PCDHGA11: variants seen among roughly 807,000 people sequenced by gnomAD.
PCDHGA11 encodes the protein protocadherin gamma-A11.
A neutral mutation model predicts 60.4 loss-of-function variants in PCDHGA11; 39 were observed. The observed-to-expected ratio is 0.65, with a 90% CI of 0.50 to 0.84. The LOEUF (loss-of-function observed/expected upper bound fraction) is 0.84. Among genes scored for constraint, PCDHGA11 ranks in the 40% least tolerant of loss-of-function variants. PCDHGA11 has a pLI of 0.00. For synonymous variants in PCDHGA11, 533 were observed against 510.3 expected (o/e 1.04, Z -0.60); for missense variants, 1,165 against 1,197.7 (o/e 0.97, Z 0.40).
Position 141,477,365 on chromosome 5 carries a change from C to T in PCDHGA11, c.2434-17442C>T, listed in dbSNP as rs754438240. On this transcript the variant is annotated intron_variant, in intron 1 of 3. Transcript: ENST00000398587. The surrounding 1 kb of genome is among the most constrained non-coding windows in gnomAD (Gnocchi z 4.9). ...TTTGAAAACCAGTGCAGACCTGGAT[C>T]GGGAGACTGTGCCAGAATACAACCT... The T allele has an allele frequency of 6.2e-7, 1 of 1,614,156 alleles. No homozygotes were observed. The highest frequency in any genetic ancestry group is 1.7e-5 in the Admixed American group (1 of 60,022).
intron 2 of PCDHGA11, among the ~76,000 whole-genome samples, chr5:141,496,391 A>G (rs1473991011): frequency 1.3e-5 from 2 of 151,930 alleles, no homozygotes; most frequent in Admixed American, 6.6e-5. Flanking sequence ...ACCTTACCCT[A>G]CCTCCTCAAT....
chr5:141,426,882 C>T, intron 1 of PCDHGA11: 1 of 456,664 alleles, frequency 2.2e-6, no homozygotes, highest in South Asian at 1.5e-5. Flanking sequence ...GCCCCTGGGC[C>T]AGGAGCAACA....
intron 1 of PCDHGA11, among the ~76,000 whole-genome samples, chr5:141,447,787 T>C (rs1025269338): frequency 1.3e-5 from 2 of 152,106 alleles, no homozygotes; most frequent in Non-Finnish European, 2.9e-5. Context: ...TGAAAATAAA[T>C]TTAAGAAAAT....
At chr5:141,494,524 C>T (rs2099754936) in intron 1 of PCDHGA11, among the ~76,000 whole-genome samples, 1 of 152,156 alleles carries the variant, frequency 6.6e-6, no homozygotes, top group African/African-American at 2.4e-5. Flanking sequence ...GGAGTTCTGA[C>T]TCTGGGGGCA....
At chr5:141,478,665 A>G (rs749063178) in intron 1 of PCDHGA11, 88 of 1,551,690 alleles carry the variant, frequency 5.7e-5, no homozygotes, top group Non-Finnish European at 3.7e-5. Flanking sequence ...ATGCATTCAC[A>G]CTTTCAACTG....
Position 141,421,842 on chromosome 5 carries a change from A to G in PCDHGA11, c.615A>G (p.Lys205=), listed in dbSNP as rs1209505923. 6.2e-7 allele frequency: 1 copy of G among 1,613,744 alleles called. No homozygotes were observed. The highest frequency in any genetic ancestry group is 8.5e-7 in the Non-Finnish European group (1 of 1,179,874). Residue 205 remains lysine, a synonymous_variant, in exon 1 of 4, where the codon AAA becomes AAG. Coordinates refer to ENST00000398587, the MANE Select transcript of PCDHGA11 (RefSeq NM_018914.3). Reference sequence around the variant, plus strand: ...TGGAGGGAAGCCTGGACCGAGAGAAAGAGGCTGCTCACCTGCTCCTCCTCA... The same window carrying G: ...TGGAGGGAAGCCTGGACCGAGAGAAGGAGGCTGCTCACCTGCTCCTCCTCA... ...LVLEGSLDRE[K]EAAHLLLLTA...
chr5:141,494,316 G>T (rs2099753509), intron 1 of PCDHGA11, among the ~76,000 whole-genome samples: 1 of 152,172 alleles, frequency 6.6e-6, no homozygotes, highest in Admixed American at 6.5e-5. Flanking sequence ...TGCACAACCT[G>T]GCACCAAAAG....
At position 141,432,379 on chromosome 5, in the gene PCDHGA11, G is replaced by A; in HGVS notation, c.2433+8719G>A. On this transcript the variant is annotated intron_variant, in intron 1 of 3. Transcript: ENST00000398587. The surrounding 1 kb of genome is among the most constrained non-coding windows in gnomAD (Gnocchi z 6.0). ...TGATGGCGCGGGACAACGGGCACCC[G>A]CCCCTCAGCAGCAACGTGTCGTTGA... 1.2e-6 allele frequency: 2 copies of A among 1,614,208 alleles called. No homozygotes were observed. The highest frequency in any genetic ancestry group is 1.7e-6 in the Non-Finnish European group (2 of 1,180,038).
Position 141,423,552 on chromosome 5 carries a change from C to A in PCDHGA11, c.2325C>A (p.Asn775Lys). 2 of 1,613,720 alleles carry A rather than the reference C, an allele frequency of 1.2e-6. No individual in the cohort carries two copies. Among genetic ancestry groups the A allele is most frequent in the Non-Finnish European group, 1.7e-6 (2 of 1,179,744 alleles). ...GTCACCTGATTTTCCCCCAGCCCAACTATGGGGACACGCTCATCAGCCAGG... is the reference window on the plus strand; with the variant it reads ...GTCACCTGATTTTCCCCCAGCCCAAATATGGGGACACGCTCATCAGCCAGG... ...QKSHLIFPQPNYGDTLISQES... is the reference protein window; with the variant it reads ...QKSHLIFPQPKYGDTLISQES... The change falls in exon 1 of 4, where the codon AAC becomes AAA. Residue 775 changes from asparagine (N) to lysine (K), a missense_variant. Asn to Lys is a moderately conservative substitution (Grantham distance 94). Transcript: ENST00000398587.
intron 2 of PCDHGA11, among the ~76,000 whole-genome samples, chr5:141,503,077 T>C (rs902429288): frequency 6.6e-6 from 1 of 151,810 alleles, no homozygotes; most frequent in African/African-American, 2.4e-5. Flanking sequence ...ATGGTCTCGA[T>C]CTCCTGACCT....
At position 141,431,213 on chromosome 5, in the gene PCDHGA11, T is replaced by A; in HGVS notation, c.2433+7553T>A. 6.2e-7 allele frequency: 1 copy of A among 1,614,142 alleles called. No individual in the cohort carries two copies. The highest frequency in any genetic ancestry group is 8.5e-7 in the Non-Finnish European group (1 of 1,180,038). On this transcript the variant is annotated intron_variant, in intron 1 of 3. Coordinates refer to ENST00000398587, the MANE Select transcript of PCDHGA11 (RefSeq NM_018914.3). The surrounding 1 kb of genome is among the most constrained non-coding windows in gnomAD (Gnocchi z 4.8). ...TGAAAATGCAGCCACTGAGATGCGG[T>A]TCCCTCTACCCCACGCCTGGGATCC...
At chr5:141,479,200 AAAGT>A (rs1430087636) in intron 1 of PCDHGA11, 5 of 152,466 alleles carry the variant, frequency 3.3e-5, no homozygotes, top group African/African-American at 1.2e-4. Flanking sequence ...AAAATACAGA[AAAGT>A]ATTTAAAAAA....
chr5:141,489,458 G>A lies in PCDHGA11; in HGVS notation c.2434-5349G>A, dbSNP rs143138320. 3.5e-5 allele frequency: 56 copies of A among 1,614,042 alleles called. No homozygotes were observed. The highest frequency in any genetic ancestry group is 8.0e-5 in the African/African-American group (6 of 75,052). ...CAATTGGGCTCTGAGGAGAATGGGC[G>A]CTATTTTTCCCTGAGCTTGATGAGT... is the stretch of plus-strand genomic sequence containing the variant. On this transcript the variant is annotated intron_variant, in intron 1 of 3. Transcript: ENST00000398587. This position sits in a 1 kb window ranked among gnomAD's most constrained non-coding sequence, Gnocchi z 4.5.
chr5:141,492,398 C>T (rs1347317333), intron 1 of PCDHGA11, among the ~76,000 whole-genome samples: 2 of 152,244 alleles, frequency 1.3e-5, no homozygotes, highest in Non-Finnish European at 1.5e-5. Flanking sequence ...CCACTCGCAG[C>T]TCCCCTCTGC....
intron 1 of PCDHGA11, among the ~76,000 whole-genome samples, chr5:141,462,559 T>G (rs1035231534): frequency 6.6e-6 from 1 of 152,248 alleles, no homozygotes; most frequent in African/African-American, 2.4e-5. Flanking sequence ...CAGTGTTTAC[T>G]GTATTTGCTA....
At chr5:141,478,127 C>A (rs1323163663) in intron 1 of PCDHGA11, 1 of 1,614,106 alleles carries the variant, frequency 6.2e-7, no homozygotes, top group South Asian at 1.1e-5. Flanking sequence ...CGAGGACTCT[C>A]CTGAAGCCCG....
rs1424048338 is a variant in PCDHGA11, at chr5:141,422,725, G to C, written c.1498G>C (p.Val500Leu). ...TCTGACGGATGACACTGTCCAGGGGGTGCCTCTGTCCTCCTATGTCTCTAT... is the reference window on the plus strand; with the variant it reads ...TCTGACGGATGACACTGTCCAGGGGCTGCCTCTGTCCTCCTATGTCTCTAT... ...YSLTDDTVQGVPLSSYVSINS... is the reference protein window; with the variant it reads ...YSLTDDTVQGLPLSSYVSINS... The change falls in exon 1 of 4, where the codon GTG becomes CTG. Residue 500 changes from valine to leucine, a missense_variant. Transcript: ENST00000398587. The C allele has an allele frequency of 6.2e-7, 1 of 1,606,156 alleles. No homozygotes were observed. The highest frequency in any genetic ancestry group is 1.3e-5 in the African/African-American group (1 of 74,978).
chr5:141,489,397 G>T lies in PCDHGA11; in HGVS notation c.2434-5410G>T. ...GGTGGGGAATGTTGCTCAGGATCTG[G>T]GCTTAAAGATGACAGATCTGTTGAG... On this transcript the variant is annotated intron_variant, in intron 1 of 3. Coordinates refer to ENST00000398587, the MANE Select transcript of PCDHGA11 (RefSeq NM_018914.3). The surrounding 1 kb of genome is among the most constrained non-coding windows in gnomAD (Gnocchi z 4.5). 2 of 1,614,176 alleles carry T rather than the reference G, an allele frequency of 1.2e-6. No individual in the cohort carries two copies. Among genetic ancestry groups the T allele is most frequent in the Non-Finnish European group, 1.7e-6 (2 of 1,180,038 alleles).
chr5:141,450,991 AT>A (rs1351194705), intron 1 of PCDHGA11, among the ~76,000 whole-genome samples: 2 of 150,700 alleles, frequency 1.3e-5, no homozygotes, highest in Non-Finnish European at 1.5e-5. Context: ...CACCCGGCTA[AT>A]TTTTTTGTAT....
Sources: allele counts gnomAD v4.1 joint callset (sites outside exome capture counted in the v4.1 genomes callset), GRCh38; gene constraint gnomAD v4.1.1; non-coding constraint Gnocchi (gnomAD v3.1); transcripts MANE v1.5; gene names NCBI Gene and HGNC (gene_info 2026-07-23, HGNC 2026-07-21).